The following NLRP5 variants were observed in gnomAD, a reference collection of about 807,000 sequenced individuals.
NLRP5 encodes NLR family pyrin domain containing 5, also known as NACHT, LRR and PYD domains-containing protein 5.
A neutral mutation model predicts 113.1 loss-of-function variants in NLRP5; 93 were observed. That is an observed-to-expected ratio of 0.82 (90% CI 0.70 to 0.98). NLRP5 has a LOEUF of 0.98. NLRP5 is among the 50% of genes least tolerant of loss of function. The pLI is 0.00. For missense variants in NLRP5, 1,808 were observed against 1,514.3 expected (o/e 1.19, Z -3.22); for synonymous variants, 751 against 600.7 (o/e 1.25, Z -3.66).
chr19:56,032,217 C>T (rs774872781), intron 7 of NLRP5, among the ~76,000 whole-genome samples: 57 of 149,070 alleles, frequency 3.8e-4, no homozygotes, highest in Non-Finnish European at 1.3e-4. Context: ...TGATGGCATG[C>T]GCCTGTAGTC....
chr19:56,001,361 G>A (rs1981644773), intron 1 of NLRP5, among the ~76,000 whole-genome samples: 1 of 148,134 alleles, frequency 6.8e-6, no homozygotes, highest in African/African-American at 2.5e-5. Context: ...ACAGCTTATT[G>A]AATAGATTTT....
intron 1 of NLRP5, among the ~76,000 whole-genome samples, chr19:56,000,209 G>A (rs186786907): frequency 6.6e-6 from 1 of 152,218 alleles, no homozygotes; most frequent in Non-Finnish European, 1.5e-5. Context: ...AGTTGTCCGA[G>A]GACTGCCACC....
intron 11 of NLRP5, among the ~76,000 whole-genome samples, chr19:56,048,995 T>G (rs963465358): frequency 4.3e-5 from 6 of 140,574 alleles, no homozygotes; most frequent in African/African-American, 1.3e-4. Context: ...TTTTTTTTTT[T>G]TTTTGAGACA....
Position 55,999,787 on chromosome 19 carries a change from C to T in NLRP5, c.62C>T (p.Ala21Val), listed in dbSNP as rs374536648. 1.6e-5 allele frequency: 25 copies of T among 1,611,958 alleles called. No homozygotes were observed. Among genetic ancestry groups the T allele is most frequent in the Non-Finnish European group, 2.0e-5 (23 of 1,178,300 alleles). ...GCTCTGCTCTCAGCATCACCACGTG[C>T]GTCGACAGCCTCTTAGAGTTACCTA... The change falls in exon 1 of 15, where the codon GCT becomes GTT. Residue 21 changes from alanine (A) to valine (V), a missense_variant and splice_region_variant. By Grantham distance (64) the Ala-to-Val change is moderately conservative (BLOSUM62 0). Coordinates refer to ENST00000390649, the MANE Select transcript of NLRP5 (RefSeq NM_153447.4).
intron 6 of NLRP5, among the ~76,000 whole-genome samples, chr19:56,024,345 A>T (rs1373478544): frequency 1.4e-5 from 2 of 144,220 alleles, no homozygotes; most frequent in African/African-American, 5.1e-5. Flanking sequence ...CTGCTTAAAA[A>T]AAAAAAAAAA....
Position 56,026,907 on chromosome 19 carries a change from C to T in NLRP5, c.680-6C>T. ...CTGATTTTCATTCTACCCTCTCTGA[C>T]TCCAGGACATGGAGGTGACACATGG... On this transcript the variant is annotated splice_region_variant and splice_polypyrimidine_tract_variant and intron_variant, in intron 6 of 14. Transcript: ENST00000390649. 3.2e-6 allele frequency: 5 copies of T among 1,548,792 alleles called. No individual in the cohort carries two copies. Among genetic ancestry groups the T allele is most frequent in the Non-Finnish European group, 4.4e-6 (5 of 1,144,968 alleles).
intron 11 of NLRP5, among the ~76,000 whole-genome samples, chr19:56,048,241 T>A (rs536768820): frequency 2.6e-5 from 4 of 152,346 alleles, no homozygotes; most frequent in African/African-American, 9.6e-5. Flanking sequence ...GAGGTACCAT[T>A]GCATTCATCG....
At chr19:56,054,768 C>A (rs1372371425) in intron 13 of NLRP5, among the ~76,000 whole-genome samples, 1 of 151,880 alleles carries the variant, frequency 6.6e-6, no homozygotes, top group African/African-American at 2.4e-5. Flanking sequence ...AGGGGGGCAG[C>A]TGAATTGGTA....
chr19:56,013,596 G>GGTTTTTTTTTTTTTTTTTTTTTTT (rs1555765383), intron 3 of NLRP5, among the ~76,000 whole-genome samples: 11 of 59,288 alleles, frequency 1.9e-4, no homozygotes, highest in South Asian at 6.1e-4. Context: ...GGACATTTGG[G>GGTTTTTTTTTTTTTTTTTTTTTTT]TTTTTTTTTT....
intron 2 of NLRP5, among the ~76,000 whole-genome samples, chr19:56,005,148 TACAC>T (rs199755339): frequency 0.044 from 6,328 of 143,244 alleles, 248 homozygotes; most frequent in South Asian, 0.076. Flanking sequence ...CACACATATA[TACAC>T]ACACATATAC....
rs1361699751 is a variant in NLRP5, at chr19:56,032,618, G to A, written c.2284G>A (p.Asp762Asn). ...CTATCCCCCCTGACATAGGATGCGGGATAAGACCCTCATTGAGGAGCAGTG... is the reference window on the plus strand; with the variant it reads ...CTATCCCCCCTGACATAGGATGCGGAATAAGACCCTCATTGAGGAGCAGTG... Residue 762 changes from aspartate to asparagine, a missense_variant, in exon 8 of 15, where the codon GAT becomes AAT. Coordinates refer to ENST00000390649, the MANE Select transcript of NLRP5 (RefSeq NM_153447.4). 2.5e-6 allele frequency: 4 copies of A among 1,612,990 alleles called. No homozygotes were observed. Among genetic ancestry groups the A allele is most frequent in the Non-Finnish European group, 3.4e-6 (4 of 1,179,512 alleles).
At chr19:56,001,889 A>G (rs534293970) in intron 1 of NLRP5, among the ~76,000 whole-genome samples, 26 of 152,126 alleles carry the variant, frequency 1.7e-4, no homozygotes, top group African/African-American at 6.0e-4. Flanking sequence ...GTCATCTACC[A>G]CAAAGTAATG....
chr19:56,059,783 C>T (rs1259132527), intron 14 of NLRP5, among the ~76,000 whole-genome samples: 1 of 151,782 alleles, frequency 6.6e-6, no homozygotes, highest in African/African-American at 2.4e-5. Flanking sequence ...GCTTCAGCCT[C>T]CCAAAGTGCT....
At chr19:56,026,810 A>G in intron 6 of NLRP5, 103 bp from the exon 7 acceptor site, 6 of 1,197,966 alleles carry the variant, frequency 5.0e-6, no homozygotes, top group Non-Finnish European at 7.0e-6. Context: ...TCCTGACCTC[A>G]GGTGATATGC....
At chr19:56,020,956 C>G (rs962352409) in intron 6 of NLRP5, among the ~76,000 whole-genome samples, 2 of 151,586 alleles carry the variant, frequency 1.3e-5, no homozygotes, top group African/African-American at 4.9e-5. Flanking sequence ...TCAGTGCAAC[C>G]TCTGCCTCCC....
intron 11 of NLRP5, among the ~76,000 whole-genome samples, chr19:56,048,491 G>T (rs1983806747): frequency 6.6e-6 from 1 of 151,468 alleles, no homozygotes; most frequent in Admixed American, 6.6e-5. Flanking sequence ...GCTTAGTTTT[G>T]CTGGATACAA....
chr19:56,041,012 C>G lies in NLRP5; in HGVS notation c.2877C>G (p.Ser959=). ...GGAGCTTGACACACCTGTGCCTATCCAACAACAGCCTGGGGAACGAAGGTG... is the reference window on the plus strand; with the variant it reads ...GGAGCTTGACACACCTGTGCCTATCGAACAACAGCCTGGGGAACGAAGGTG... Residue 959 remains serine (S), a synonymous_variant, in exon 11 of 15, where the codon TCC becomes TCG. Transcript: ENST00000390649. 1 of 1,613,974 alleles carries G rather than the reference C, an allele frequency of 6.2e-7. No individual in the cohort carries two copies. The highest frequency in any genetic ancestry group is 1.3e-5 in the African/African-American group (1 of 75,042).
intron 3 of NLRP5, among the ~76,000 whole-genome samples, chr19:56,010,103 A>G (rs1188649486): frequency 6.6e-6 from 1 of 152,202 alleles, no homozygotes; most frequent in Non-Finnish European, 1.5e-5. Flanking sequence ...GGGTCTTGCC[A>G]TCAGCCACGT....
chr19:56,040,054 G>A (rs1983462347), intron 10 of NLRP5, among the ~76,000 whole-genome samples: 1 of 152,100 alleles, frequency 6.6e-6, no homozygotes, highest in Non-Finnish European at 1.5e-5. Flanking sequence ...AGGCTCCAGG[G>A]ATCCTCCTGC....
Sources: allele counts gnomAD v4.1 joint callset (sites outside exome capture counted in the v4.1 genomes callset), GRCh38; gene constraint gnomAD v4.1.1; transcripts MANE v1.5; gene names NCBI Gene and HGNC (gene_info 2026-07-23, HGNC 2026-07-21).